Variants in DGKZ observed in about 807,000 individuals in gnomAD.
The protein encoded by DGKZ is DAG kinase zeta.
Under a neutral mutation model 142.5 loss-of-function variants are expected in DGKZ, and 45 were observed. The observed-to-expected ratio is 0.32, with a 90% CI of 0.25 to 0.40. The LOEUF (loss-of-function observed/expected upper bound fraction) is 0.40. Ranked by LOEUF, DGKZ falls within the 10% of genes least tolerant of loss-of-function variation. The pLI is 1.00. For missense variants in DGKZ, 755 were observed against 1,306.5 expected, an observed-to-expected ratio of 0.58 and a Z score of 6.51; for synonymous variants, 442 against 527.0, an observed-to-expected ratio of 0.84 and a Z score of 2.21.
At chr11:46,352,873 T>G (rs1941580443) in intron 1 of DGKZ, among the ~76,000 whole-genome samples, 1 of 152,110 alleles carries the variant, frequency 6.6e-6, no homozygotes, top group South Asian at 2.1e-4. Flanking sequence ...AGCACAGGAC[T>G]TGGCTGGCAC....
At position 46,378,984 on chromosome 11, in the gene DGKZ, C is replaced by T. The variant is rs762140591; in HGVS notation, c.2419-7C>T. The T allele has an allele frequency of 1.1e-5, 17 of 1,537,738 alleles. No individual in the cohort carries two copies. The highest frequency in any genetic ancestry group is 2.4e-4 in the Middle Eastern group (1 of 4,124). On this transcript the variant is annotated splice_region_variant and splice_polypyrimidine_tract_variant and intron_variant, in intron 27 of 30. Coordinates refer to ENST00000527911, the Ensembl canonical transcript of DGKZ. ...AGGTCCAGCCCTGCCATGCCTCCTG[C>T]CCTCAGCTCCAGGAGCTGCACCGAG...
intron 14 of DGKZ, among the ~76,000 whole-genome samples, chr11:46,373,492 TTTTTTG>T (rs1392136434): frequency 5.4e-5 from 8 of 148,676 alleles, no homozygotes; most frequent in African/African-American, 2.0e-4. Context: ...TCTTGTTTTT[TTTTTTG>T]TTTTTGTTTT....
intron 1 of DGKZ, among the ~76,000 whole-genome samples, chr11:46,353,914 G>A (rs1317911057): frequency 6.6e-6 from 1 of 152,232 alleles, no homozygotes; most frequent in Non-Finnish European, 1.5e-5. Context: ...GCATCTCGCG[G>A]GTTAACAGCT....
chr11:46,378,247 G>A lies in DGKZ; in HGVS notation c.2374+18G>A, dbSNP rs979606027. 3 of 1,600,422 alleles carry A rather than the reference G, an allele frequency of 1.9e-6. No homozygotes were observed. Among genetic ancestry groups the A allele is most frequent in the Non-Finnish European group, 1.7e-6 (2 of 1,173,654 alleles). On this transcript the variant is annotated intron_variant, in intron 26 of 30. Transcript: ENST00000527911. ...CCCTCAAGGTGAGGCCTCTCCCTCT[G>A]GGGCCCCTCCTTTCTGCCTGGTTGG...
At chr11:46,352,422 G>A (rs1023429829) in intron 1 of DGKZ, among the ~76,000 whole-genome samples, 1 of 152,214 alleles carries the variant, frequency 6.6e-6, no homozygotes, top group African/African-American at 2.4e-5. Context: ...TCTAGCTGCC[G>A]GGCGGAGCCA....
exon 9 of DGKZ, chr11:46,371,763 G>C: frequency 6.2e-7 from 1 of 1,613,454 alleles, no homozygotes; most frequent in Non-Finnish European, 8.5e-7. Flanking sequence ...AGTCCAGCAA[G>C]AAAGGGCCTG....
chr11:46,333,593 G>A, intron 1 of DGKZ: 1 of 1,072,092 alleles, frequency 9.3e-7, no homozygotes, highest in Non-Finnish European at 1.4e-6. Flanking sequence ...CTGGCGCTGG[G>A]AGTTTAGAGA....
At chr11:46,365,370 A>G in intron 1 of DGKZ, 1 of 985,448 alleles carries the variant, frequency 1.0e-6, no homozygotes, top group Non-Finnish European at 1.2e-6. Flanking sequence ...CCCTTCAGAA[A>G]GGTGAGACAG....
intron 1 of DGKZ, among the ~76,000 whole-genome samples, chr11:46,357,891 G>A (rs1942216868): frequency 6.6e-6 from 1 of 152,216 alleles, no homozygotes; most frequent in Non-Finnish European, 1.5e-5. Context: ...ACAGCAGTAA[G>A]TCAGGCACAG....
chr11:46,366,800 G>A lies in DGKZ; in HGVS notation c.162-491G>A, dbSNP rs768435769. ...TGACCACGCTCTCTGGGGCCTGCAC[G>A]GCTACTATCGGCGCCTCAGCCAGCG... On this transcript the variant is annotated intron_variant, in intron 1 of 30. Transcript: ENST00000527911. 63 of 1,546,370 alleles carry A rather than the reference G, an allele frequency of 4.1e-5. No individual in the cohort carries two copies. Among genetic ancestry groups the A allele is most frequent in the Admixed American group, 1.2e-4 (6 of 51,682 alleles).
Position 46,378,276 on chromosome 11 carries a change from C to A in DGKZ, c.2374+47C>A, listed in dbSNP as rs867591373. 11 of 1,580,980 alleles carry A rather than the reference C, an allele frequency of 7.0e-6. 1 individual carries two copies. In the Middle Eastern group the frequency reaches 2.1e-3, roughly 304 times the overall value. ...CCCCTCCTTTCTGCCTGGTTGGGGG[C>A]AGGAGGCTCAGTGGGGTGGGGATAG... On this transcript the variant is annotated intron_variant, in intron 26 of 30. Coordinates refer to ENST00000527911, the Ensembl canonical transcript of DGKZ.
At position 46,375,359 on chromosome 11, in the gene DGKZ, G is replaced by A. The variant is rs529412805; in HGVS notation, c.1711-73G>A. 2.8e-5 allele frequency: 41 copies of A among 1,460,728 alleles called. No homozygotes were observed. The Admixed American group carries it at 4.9e-4, about 18-fold the overall frequency. 90.5% of individuals were successfully genotyped at this position (1,460,728 alleles called of 1,614,324 possible). A position where few individuals can be genotyped will look rare whatever the true frequency, so the allele number is the denominator to read the frequency against. Reference sequence around the variant, plus strand: ...GTTCTCTGGCTAGAGTTTCTGCTTCGGAAGGAGCAGAGTCTGGGACCCCCC... The same window carrying A: ...GTTCTCTGGCTAGAGTTTCTGCTTCAGAAGGAGCAGAGTCTGGGACCCCCC... On this transcript the variant is annotated intron_variant, in intron 19 of 30. Transcript: ENST00000527911.
rs1943073202 is a variant in DGKZ at position 46,364,814 on chromosome 11, C to T, written c.162-2477C>T. On this transcript the variant is annotated intron_variant, in intron 1 of 30. Coordinates refer to ENST00000527911, the Ensembl canonical transcript of DGKZ. ...CATCACCCACCATGCCTAATTAATG[C>T]CAGCCTTCAGGGGACCACAGGGCTT... 1.4e-5 allele frequency: 14 copies of T among 985,340 alleles called. 1 individual carries two copies. The South Asian group carries it at 6.1e-4, about 43-fold the overall frequency. 61.0% of individuals were successfully genotyped at this position (985,340 alleles called of 1,614,324 possible).
chr11:46,367,080 C>A lies in DGKZ; in HGVS notation c.162-211C>A. Reference sequence around the variant, plus strand: ...AAGCTCTGCCTGGCTGAGGGTTCCCCACTTGGGAACACTCTGGGCAGTACC... The same window carrying A: ...AAGCTCTGCCTGGCTGAGGGTTCCCAACTTGGGAACACTCTGGGCAGTACC... On this transcript the variant is annotated intron_variant, in intron 1 of 30. Coordinates refer to ENST00000527911, the Ensembl canonical transcript of DGKZ. The surrounding 1 kb of genome is among the most constrained non-coding windows in gnomAD (Gnocchi z 4.1). The A allele has an allele frequency of 2.2e-6, 3 of 1,385,502 alleles. No homozygotes were observed. The highest frequency in any genetic ancestry group is 2.9e-6 in the Non-Finnish European group (3 of 1,031,782). 85.8% of individuals were successfully genotyped at this position (1,385,502 alleles called of 1,614,324 possible). A position where few individuals can be genotyped will look rare whatever the true frequency, so the allele number is the denominator to read the frequency against.
At chr11:46,370,580 G>A (rs937948776) in intron 6 of DGKZ, among the ~76,000 whole-genome samples, 2 of 152,150 alleles carry the variant, frequency 1.3e-5, no homozygotes, top group Admixed American at 1.3e-4. Flanking sequence ...ACTCGGAAGC[G>A]GCAGTAAATT....
chr11:46,335,240 G>T (rs1015205624), intron 1 of DGKZ, among the ~76,000 whole-genome samples: 2 of 151,992 alleles, frequency 1.3e-5, no homozygotes, highest in Non-Finnish European at 2.9e-5. Context: ...CTTGAACCTG[G>T]GAGGCAGAGG....
chr11:46,371,409 G>C, intron 7 of DGKZ, 25 bp downstream of exon 7: 1 of 1,612,442 alleles, frequency 6.2e-7, no homozygotes, highest in Non-Finnish European at 8.5e-7. Context: ...CGCCCCCAGG[G>C]CCAGGCCCTG....
intron 1 of DGKZ, among the ~76,000 whole-genome samples, chr11:46,351,811 T>A (rs2072531356): frequency 6.6e-6 from 1 of 152,216 alleles, no homozygotes; most frequent in South Asian, 2.1e-4. Context: ...AGCTGGCCCC[T>A]GCTGGGAACC....
chr11:46,377,296 C>G, intron 25 of DGKZ, 84 bp downstream of exon 25: 1 of 1,476,646 alleles, frequency 6.8e-7, no homozygotes, highest in Non-Finnish European at 9.0e-7. Context: ...TGCTTCTAGC[C>G]CCTCCACCAG....
Sources: allele counts gnomAD v4.1 joint callset (sites outside exome capture counted in the v4.1 genomes callset), GRCh38; gene constraint gnomAD v4.1.1; non-coding constraint Gnocchi (gnomAD v3.1); transcripts MANE v1.5; gene names NCBI Gene and HGNC (gene_info 2026-07-23, HGNC 2026-07-21).